The following MYT1L variants were observed in gnomAD, a reference collection of about 807,000 sequenced individuals.
MYT1L encodes myelin transcription factor 1 like.
MYT1L carries 12 observed loss-of-function variants against 126.7 expected under a neutral mutation model. The observed-to-expected ratio is 0.09, with a 90% CI of 0.06 to 0.15. MYT1L has a LOEUF of 0.15. MYT1L is among the 10% of genes least tolerant of loss of function. MYT1L has a pLI of 1.00. For synonymous variants in MYT1L, 541 were observed against 604.2 expected (o/e 0.90, Z 1.53); for missense variants, 979 against 1,585.2 (o/e 0.62, Z 6.49).
At chr2:2,099,149 T>C (rs1359502872) in intron 3 of MYT1L, among the ~76,000 whole-genome samples, 1 of 152,132 alleles carries the variant, frequency 6.6e-6, no homozygotes, top group Non-Finnish European at 1.5e-5. Context: ...ATTTTTTTTT[T>C]AACAACATGA....
chr2:1,834,019 G>A (rs1476974115), intron 21 of MYT1L, among the ~76,000 whole-genome samples: 1 of 152,238 alleles, frequency 6.6e-6, no homozygotes, highest in Non-Finnish European at 1.5e-5. Context: ...CCCAAACCAT[G>A]GGCATTGGTT....
chr2:1,839,087 C>G (rs1335542196), intron 21 of MYT1L, 62 bp downstream of exon 21: 2 of 1,435,722 alleles, frequency 1.4e-6, no homozygotes, highest in African/African-American at 1.4e-5. Flanking sequence ...TCATAACCAG[C>G]CGTGCCAGTC....
chr2:2,196,510 A>T (rs746654191), intron 2 of MYT1L, among the ~76,000 whole-genome samples: 4 of 151,434 alleles, frequency 2.6e-5, no homozygotes, highest in Non-Finnish European at 5.9e-5. Flanking sequence ...TAAAAATTAC[A>T]TTCAATATAT....
At chr2:1,934,188 A>C (rs905083602) in intron 9 of MYT1L, among the ~76,000 whole-genome samples, 4 of 150,954 alleles carry the variant, frequency 2.6e-5, no homozygotes, top group Non-Finnish European at 3.0e-5. Flanking sequence ...GTTAGCCAGG[A>C]TGGTCTCGAT....
intron 2 of MYT1L, among the ~76,000 whole-genome samples, chr2:2,236,632 C>T (rs1330069427): frequency 1.3e-5 from 2 of 149,362 alleles, no homozygotes; most frequent in Non-Finnish European, 3.0e-5. Flanking sequence ...CCCAGCACAT[C>T]CCAACCCAAC....
chr2:2,236,781 C>CT, intron 2 of MYT1L, among the ~76,000 whole-genome samples: 1 of 121,550 alleles, frequency 8.2e-6, no homozygotes, highest in East Asian at 2.3e-4. Flanking sequence ...TCTTCTTCTT[C>CT]TTCTTCTTCT....
At chr2:2,164,679 TA>T (rs1459865760) in intron 3 of MYT1L, among the ~76,000 whole-genome samples, 2 of 152,192 alleles carry the variant, frequency 1.3e-5, no homozygotes, top group Admixed American at 6.5e-5. Context: ...ACCATCTGCA[TA>T]AACTTGTGAC....
chr2:2,328,995 G>A (rs1344373535), intron 1 of MYT1L, among the ~76,000 whole-genome samples: 1 of 152,144 alleles, frequency 6.6e-6, no homozygotes, highest in Non-Finnish European at 1.5e-5. Context: ...TTTTCACATT[G>A]CCAATAAACT....
At chr2:2,142,878 G>C (rs2084225737) in intron 3 of MYT1L, among the ~76,000 whole-genome samples, 1 of 151,700 alleles carries the variant, frequency 6.6e-6, no homozygotes, top group Non-Finnish European at 1.5e-5. Context: ...GTAGAGACAG[G>C]ATCTTGCCAT....
intron 21 of MYT1L, among the ~76,000 whole-genome samples, chr2:1,837,942 T>C: frequency 6.6e-6 from 1 of 151,824 alleles, no homozygotes; most frequent in East Asian, 1.9e-4. Flanking sequence ...GACAGAGTGT[T>C]GCTCTGTCAC....
chr2:2,043,437 A>G (rs1426635817), intron 4 of MYT1L, among the ~76,000 whole-genome samples: 4 of 152,214 alleles, frequency 2.6e-5, no homozygotes, highest in African/African-American at 9.6e-5. Flanking sequence ...GTCATTGTAC[A>G]TTGCAGCCAC....
chr2:1,809,734 G>A (rs2036288001), intron 21 of MYT1L: 1 of 152,556 alleles, frequency 6.6e-6, no homozygotes, highest in Non-Finnish European at 1.5e-5. Flanking sequence ...TTTTTAGCCA[G>A]TTTTCTAGTA....
At chr2:2,065,293 A>T (rs1248285753) in intron 3 of MYT1L, among the ~76,000 whole-genome samples, 1 of 152,198 alleles carries the variant, frequency 6.6e-6, no homozygotes, top group African/African-American at 2.4e-5. Flanking sequence ...ATCAAAGATT[A>T]AAAAAATTTT....
At chr2:2,071,464 G>A (rs2074587802) in intron 3 of MYT1L, among the ~76,000 whole-genome samples, 1 of 152,158 alleles carries the variant, frequency 6.6e-6, no homozygotes, top group African/African-American at 2.4e-5. Flanking sequence ...ACAAACAACT[G>A]GATGAGTACC....
intron 8 of MYT1L, among the ~76,000 whole-genome samples, chr2:1,958,520 A>G (rs2058697648): frequency 6.6e-6 from 1 of 152,246 alleles, no homozygotes; most frequent in Admixed American, 6.5e-5. Flanking sequence ...CAGATCCTCA[A>G]GCGGCCTCAG....
chr2:1,945,794 T>C (rs189087705), intron 8 of MYT1L, among the ~76,000 whole-genome samples: 6 of 152,298 alleles, frequency 3.9e-5, no homozygotes, highest in African/African-American at 1.4e-4. Flanking sequence ...TATTCAGGTA[T>C]CCAATTATCC....
At chr2:1,897,882 G>A (rs146886408) in intron 14 of MYT1L, among the ~76,000 whole-genome samples, 49 of 152,304 alleles carry the variant, frequency 3.2e-4, no homozygotes, top group Non-Finnish European at 4.4e-4. Context: ...TTTAACTCTA[G>A]ATGCCAGAGC....
chr2:2,094,409 A>G (rs1485119920), intron 3 of MYT1L, among the ~76,000 whole-genome samples: 1 of 152,212 alleles, frequency 6.6e-6, no homozygotes, highest in Non-Finnish European at 1.5e-5. Context: ...TGACCCAGCC[A>G]TCCCATTACT....
intron 3 of MYT1L, among the ~76,000 whole-genome samples, chr2:2,073,226 C>T (rs1003463652): frequency 2.0e-5 from 3 of 148,536 alleles, no homozygotes; most frequent in South Asian, 2.2e-4. Context: ...ATCTTTCTTC[C>T]CCCTCCCTCA....
Sources: allele counts gnomAD v4.1 joint callset (sites outside exome capture counted in the v4.1 genomes callset), GRCh38; gene constraint gnomAD v4.1.1; transcripts MANE v1.5; gene names NCBI Gene and HGNC (gene_info 2026-07-23, HGNC 2026-07-21).